GPR39: variants seen among roughly 807,000 people sequenced by gnomAD.
The protein encoded by GPR39 is G protein-coupled receptor 39, also known as zinc sensing receptor.
Under a neutral mutation model 18.4 loss-of-function variants are expected in GPR39, and 23 were observed. The observed-to-expected ratio is 1.25, with a 90% confidence interval of 0.90 to 1.77. The LOEUF (loss-of-function observed/expected upper bound fraction) is 1.77, where lower values mean the gene tolerates loss of function less well. GPR39 is among the 40% of genes most tolerant of loss of function. The probability of loss-of-function intolerance (pLI) is 0.00; values close to 1 mark genes in which losing one functional copy is unlikely to be tolerated. For missense variants in GPR39, 647 were observed against 602.4 expected, an observed-to-expected ratio of 1.07 and a Z score of -0.78; for synonymous variants, 280 against 257.9, an observed-to-expected ratio of 1.09 and a Z score of -0.82.
chr2:132,546,908 G>A (rs1275853599), intron 1 of GPR39, among the ~76,000 whole-genome samples: 4 of 149,596 alleles, frequency 2.7e-5, no homozygotes, highest in Non-Finnish European at 5.9e-5. Context: ...AGGGAAGGAG[G>A]AAAGGGCTGG....
chr2:132,602,308 T>C (rs2104842172), intron 1 of GPR39, among the ~76,000 whole-genome samples: 1 of 152,254 alleles, frequency 6.6e-6, no homozygotes, highest in Admixed American at 6.5e-5. Flanking sequence ...CTTCAATAAA[T>C]GGTGCTGGGA....
At chr2:132,610,888 G>A (rs1681228775) in intron 1 of GPR39, among the ~76,000 whole-genome samples, 1 of 151,942 alleles carries the variant, frequency 6.6e-6, no homozygotes, top group African/African-American at 2.4e-5. Flanking sequence ...GAATCAGCAT[G>A]CTGGAAGGGA....
chr2:132,629,953 T>C (rs1681618465), intron 1 of GPR39, among the ~76,000 whole-genome samples: 1 of 152,170 alleles, frequency 6.6e-6, no homozygotes, highest in African/African-American at 2.4e-5. Flanking sequence ...TGGACCAAAT[T>C]GGTTCAACGA....
intron 1 of GPR39, among the ~76,000 whole-genome samples, chr2:132,538,665 C>T (rs113829617): frequency 4.1e-4 from 62 of 152,310 alleles, no homozygotes; most frequent in African/African-American, 1.4e-3. Context: ...TGTGACAGCA[C>T]CCATCCCTCC....
chr2:132,586,985 A>G (rs1680741706), intron 1 of GPR39, among the ~76,000 whole-genome samples: 1 of 152,252 alleles, frequency 6.6e-6, no homozygotes, highest in African/African-American at 2.4e-5. Context: ...AAATTTGGGT[A>G]TCTCTCATAC....
At chr2:132,596,268 T>C (rs776994679) in intron 1 of GPR39, among the ~76,000 whole-genome samples, 2 of 152,168 alleles carry the variant, frequency 1.3e-5, no homozygotes, top group Non-Finnish European at 2.9e-5. Flanking sequence ...GTTTTTGCTC[T>C]GAAAATTCCC....
chr2:132,427,131 C>CATATATATATATATAT (rs199931479), intron 1 of GPR39, among the ~76,000 whole-genome samples: 4 of 80,770 alleles, frequency 5.0e-5, no homozygotes, highest in Non-Finnish European at 6.7e-5. Context: ...TATATAGGTA[C>CATATATATATATATAT]ATATATATAT....
At chr2:132,465,463 T>G (rs1232043035) in intron 1 of GPR39, among the ~76,000 whole-genome samples, 2 of 152,210 alleles carry the variant, frequency 1.3e-5, no homozygotes, top group East Asian at 3.9e-4. Flanking sequence ...GCAATGAAAC[T>G]GTCTGTGAGT....
In GPR39 at chr2:132,645,896, C is replaced by T. The variant is rs1004428070; in HGVS notation, c.*290C>T. On this transcript the variant is annotated 3_prime_UTR_variant, in exon 2 of 2. Transcript: ENST00000329321. ...TTCAGAATGCTTTACCGAGCTCTTT[C>T]ATTATTTGCACAGGAACAAAAGAGA... 8 of 677,108 alleles carry T rather than the reference C, an allele frequency of 1.2e-5. No individual in the cohort carries two copies. The African/African-American group carries it at 1.3e-4, about 11-fold the overall frequency. 41.9% of individuals were successfully genotyped at this position (677,108 alleles called of 1,614,324 possible).
At chr2:132,596,851 T>G (rs1680958952) in intron 1 of GPR39, among the ~76,000 whole-genome samples, 1 of 152,234 alleles carries the variant, frequency 6.6e-6, no homozygotes, top group African/African-American at 2.4e-5. Flanking sequence ...GATCCCCTGT[T>G]GATTTCCATG....
At chr2:132,570,558 A>G (rs563144687) in intron 1 of GPR39, among the ~76,000 whole-genome samples, 2 of 152,082 alleles carry the variant, frequency 1.3e-5, no homozygotes, top group Non-Finnish European at 2.9e-5. Flanking sequence ...TTTTTCATCT[A>G]TTTGTTAAAA....
chr2:132,563,219 A>G (rs1328704085), intron 1 of GPR39, among the ~76,000 whole-genome samples: 1 of 152,212 alleles, frequency 6.6e-6, no homozygotes, highest in East Asian at 1.9e-4. Flanking sequence ...CAGATCAGCT[A>G]TTGAGAGGAG....
rs549276617 is a variant in GPR39, at chr2:132,558,423, C to A, written c.857-86678C>A. ...AGAGGCTCATGACTGAGTCTCTTGA[C>A]AAATTATTTTTTGAGGGTGCATACT... On this transcript the variant is annotated intron_variant, in intron 1 of 1. Coordinates refer to ENST00000329321, the MANE Select transcript of GPR39 (RefSeq NM_001508.3). Among the ~76,000 whole-genome samples the A allele has an allele frequency of 1.2e-4, 19 of 152,240 alleles. No homozygotes were observed. The East Asian group carries it at 3.7e-3, about 29-fold the overall frequency.
chr2:132,500,010 C>T (rs777174595), intron 1 of GPR39, among the ~76,000 whole-genome samples: 3 of 152,064 alleles, frequency 2.0e-5, no homozygotes, highest in Non-Finnish European at 2.9e-5. Flanking sequence ...TCTATGTATA[C>T]GATCATATCA....
intron 1 of GPR39, among the ~76,000 whole-genome samples, chr2:132,636,545 C>T (rs946810167): frequency 1.3e-5 from 2 of 152,366 alleles, no homozygotes; most frequent in African/African-American, 4.8e-5. Context: ...TTTTACCAGA[C>T]TCTAAAGGGA....
At chr2:132,498,746 G>T (rs548430191) in intron 1 of GPR39, among the ~76,000 whole-genome samples, 155 of 152,076 alleles carry the variant, frequency 1.0e-3, no homozygotes, top group South Asian at 1.9e-3. Context: ...ATTATTTTTT[G>T]ATTATGGCCA....
chr2:132,433,293 G>A (rs1248857736), intron 1 of GPR39, among the ~76,000 whole-genome samples: 1 of 152,128 alleles, frequency 6.6e-6, no homozygotes, highest in Non-Finnish European at 1.5e-5. Flanking sequence ...AATCATAACT[G>A]CATAAAAATT....
intron 1 of GPR39, among the ~76,000 whole-genome samples, chr2:132,481,948 A>G (rs1351451739): frequency 6.6e-6 from 1 of 152,194 alleles, no homozygotes; most frequent in African/African-American, 2.4e-5. Flanking sequence ...ACCTTATTTA[A>G]ACCCATGATT....
chr2:132,530,313 T>C (rs2104774882), intron 1 of GPR39, among the ~76,000 whole-genome samples: 1 of 152,030 alleles, frequency 6.6e-6, no homozygotes, highest in African/African-American at 2.4e-5. Flanking sequence ...GAAAAAAGAA[T>C]AAAAAGAAAT....
Sources: allele counts gnomAD v4.1 joint callset (sites outside exome capture counted in the v4.1 genomes callset), GRCh38; gene constraint gnomAD v4.1.1; transcripts MANE v1.5; gene names NCBI Gene and HGNC (gene_info 2026-07-23, HGNC 2026-07-21).